The following UTRN variants were observed in gnomAD, a reference collection of about 807,000 sequenced individuals.
UTRN encodes the protein dystrophin-related protein 1.
In UTRN, 283 loss-of-function variants were observed where a neutral mutation model predicts 463.9. The ratio of observed to expected loss-of-function variants is 0.61; its 90% CI spans 0.55 to 0.67. UTRN has a LOEUF of 0.67. Among genes scored for constraint, UTRN ranks in the 30% least tolerant of loss-of-function variants. The pLI, the probability that UTRN is intolerant of heterozygous loss-of-function variation, is 0.00. For missense variants in UTRN, 3,922 were observed against 4,084.3 expected, an observed-to-expected ratio of 0.96 and a Z score of 1.08; for synonymous variants, 1,442 against 1,431.5, an observed-to-expected ratio of 1.01 and a Z score of -0.17.
At chr6:144,409,592 G>C (rs186545731) in intron 3 of UTRN, among the ~76,000 whole-genome samples, 1 of 152,204 alleles carries the variant, frequency 6.6e-6, no homozygotes, top group East Asian at 1.9e-4. Context: ...GGGAAGTAAG[G>C]TATCAAGAGG....
At chr6:144,547,253 T>C (rs1757201473) in intron 46 of UTRN, among the ~76,000 whole-genome samples, 1 of 152,228 alleles carries the variant, frequency 6.6e-6, no homozygotes. Flanking sequence ...TTTTAAGTTT[T>C]AGAAAAAGTA....
At chr6:144,782,455 C>A (rs183431636) in intron 61 of UTRN, among the ~76,000 whole-genome samples, 32 of 152,082 alleles carry the variant, frequency 2.1e-4, no homozygotes, top group Admixed American at 1.2e-3. Context: ...CACAGTATTT[C>A]TTTTTTCAAA....
chr6:144,796,766 G>T (rs1777255658), intron 63 of UTRN, among the ~76,000 whole-genome samples: 1 of 152,094 alleles, frequency 6.6e-6, no homozygotes, highest in Admixed American at 6.5e-5. Flanking sequence ...GAAAAAAAAG[G>T]CTCACACCGT....
rs1225740998 is a variant in UTRN, at chr6:144,841,205, T to A, written c.10270+373T>A. On this transcript the variant is annotated intron_variant, in intron 73 of 74. Coordinates refer to ENST00000367545, the MANE Select transcript of UTRN (RefSeq NM_007124.3). The stretch of plus-strand genomic sequence containing the variant: ...TTTCAGTGGCATGCCAAACAAGGCA[T>A]GGAAACAGCCTTTCTAGTGTAATTC... 2.0e-5 allele frequency among the ~76,000 whole-genome samples: 3 copies of A among 152,368 alleles called. No homozygotes were observed. In the East Asian group the frequency reaches 5.8e-4, roughly 29 times the overall value.
In UTRN at chr6:144,344,456, G is replaced by A. The variant is rs569016656; in HGVS notation, c.79+52549G>A. ...GACAGCCTGTCTTTCCTGCTGCCAC[G>A]TCTGTTGTGGACCCTCAAGAGTAGA... On this transcript the variant is annotated intron_variant, in intron 2 of 74. Transcript: ENST00000367545. Among the ~76,000 whole-genome samples, 398 of 152,314 alleles carry A rather than the reference G, an allele frequency of 2.6e-3. 2 individuals are homozygous for A. Among genetic ancestry groups the A allele is most frequent in the African/African-American group, 9.4e-3 (390 of 41,570 alleles).
chr6:144,386,015 C>G (rs1196253783), intron 2 of UTRN, among the ~76,000 whole-genome samples: 1 of 152,088 alleles, frequency 6.6e-6, no homozygotes, highest in Admixed American at 6.6e-5. Flanking sequence ...GGCCCAGAAC[C>G]CTAATTTTTA....
At position 144,435,925 on chromosome 6, in the gene UTRN, GT is replaced by G; in HGVS notation, c.856-5del. On this transcript the variant is annotated splice_polypyrimidine_tract_variant and intron_variant, in intron 9 of 74. Coordinates refer to ENST00000367545, the MANE Select transcript of UTRN (RefSeq NM_007124.3). ...ATTAGTGTGGGTTTTTCTTGGCTTT[GT>G]TTTTACAGAGTACAGCGCCTGAGGA... 6.2e-7 allele frequency: 1 copy of G among 1,613,016 alleles called. No individual in the cohort carries two copies. The highest frequency in any genetic ancestry group is 8.5e-7 in the Non-Finnish European group (1 of 1,179,820).
At chr6:144,572,025 G>A (rs1266944357) in intron 50 of UTRN, among the ~76,000 whole-genome samples, 1 of 152,088 alleles carries the variant, frequency 6.6e-6, no homozygotes, top group Non-Finnish European at 1.5e-5. Flanking sequence ...TGCCTTTTTT[G>A]TTTGTTTGTT....
intron 51 of UTRN, among the ~76,000 whole-genome samples, chr6:144,603,528 G>A (rs917579118): frequency 5.9e-5 from 9 of 152,100 alleles, no homozygotes; most frequent in Admixed American, 5.2e-4. Flanking sequence ...ATGACAAATT[G>A]TTTATTTCCT....
At chr6:144,355,091 G>A (rs1778433171) in intron 2 of UTRN, among the ~76,000 whole-genome samples, 1 of 152,050 alleles carries the variant, frequency 6.6e-6, no homozygotes, top group South Asian at 2.1e-4. Context: ...TAATTTTTTT[G>A]TTGTTGTTCG....
intron 73 of UTRN, among the ~76,000 whole-genome samples, chr6:144,842,350 C>A (rs1166054867): frequency 6.6e-6 from 1 of 152,054 alleles, no homozygotes; most frequent in Non-Finnish European, 1.5e-5. Flanking sequence ...CAGGCTGAGG[C>A]AGGTGGATCA....
intron 60 of UTRN, among the ~76,000 whole-genome samples, chr6:144,778,569 G>A (rs1775539131): frequency 6.6e-6 from 1 of 151,664 alleles, no homozygotes; most frequent in South Asian, 2.1e-4. Context: ...CTTGAGCTCT[G>A]CCTATATTTC....
At chr6:144,359,720 G>GTT (rs560188157) in intron 2 of UTRN, among the ~76,000 whole-genome samples, 260 of 139,090 alleles carry the variant, frequency 1.9e-3, no homozygotes, top group African/African-American at 6.0e-3. Flanking sequence ...TCTACGCATC[G>GTT]TTTTTTTTTT....
chr6:144,445,359 A>AG (rs990686642), intron 14 of UTRN, among the ~76,000 whole-genome samples: 4 of 151,372 alleles, frequency 2.6e-5, no homozygotes, highest in Non-Finnish European at 5.9e-5. Flanking sequence ...CTCAAAAAAA[A>AG]AAAAAAAAAA....
chr6:144,438,945 G>A, intron 12 of UTRN, 50 bp downstream of exon 12: 1 of 1,586,082 alleles, frequency 6.3e-7, no homozygotes, highest in Non-Finnish European at 8.6e-7. Flanking sequence ...TGAAAGAGCA[G>A]CACTTAGCAT....
At chr6:144,352,204 A>T (rs2114660972) in intron 2 of UTRN, among the ~76,000 whole-genome samples, 1 of 152,266 alleles carries the variant, frequency 6.6e-6, no homozygotes, top group Admixed American at 6.5e-5. Context: ...ATACTCTGAG[A>T]CCCACTGATT....
In UTRN at chr6:144,377,600, G is replaced by A. The variant is rs79108267; in HGVS notation, c.80-25523G>A. Among the ~76,000 whole-genome samples, 97 of 152,206 alleles carry A rather than the reference G, an allele frequency of 6.4e-4. 2 individuals are homozygous for A. In the East Asian group the frequency reaches 0.018, roughly 28 times the overall value. The stretch of plus-strand genomic sequence containing the variant: ...ATGGATTGTTGCTATTTTTTCTACC[G>A]GAGTGCCATTATTAACAGTTTCTTT... On this transcript the variant is annotated intron_variant, in intron 2 of 74. Transcript: ENST00000367545.
At chr6:144,550,696 G>A (rs1798829553) in intron 47 of UTRN, among the ~76,000 whole-genome samples, 1 of 152,166 alleles carries the variant, frequency 6.6e-6, no homozygotes, top group African/African-American at 2.4e-5. Flanking sequence ...TGAGCTGTCA[G>A]TATTTTATTA....
At chr6:144,780,374 G>A (rs1312029275) in intron 60 of UTRN, among the ~76,000 whole-genome samples, 1 of 151,594 alleles carries the variant, frequency 6.6e-6, no homozygotes, top group Non-Finnish European at 1.5e-5. Flanking sequence ...ATGCCAAAAA[G>A]TTAAAAAATA....
Sources: allele counts gnomAD v4.1 joint callset (sites outside exome capture counted in the v4.1 genomes callset), GRCh38; gene constraint gnomAD v4.1.1; transcripts MANE v1.5; gene names NCBI Gene and HGNC (gene_info 2026-07-23, HGNC 2026-07-21).